The following SEMA5A variants were observed in gnomAD, a reference collection of about 807,000 sequenced individuals.
SEMA5A encodes semaphorin-5A.
In SEMA5A, 55 loss-of-function variants were observed where a neutral mutation model predicts 135.5. The ratio of observed to expected loss-of-function variants is 0.41; its 90% confidence interval spans 0.33 to 0.51. The LOEUF (loss-of-function observed/expected upper bound fraction) is 0.51. Ranked by LOEUF, SEMA5A falls within the 20% of genes least tolerant of loss-of-function variation. The probability of loss-of-function intolerance (pLI) is 0.37; values close to 1 mark genes in which losing one functional copy is unlikely to be tolerated. For missense variants in SEMA5A, 1,290 were observed against 1,419.9 expected (o/e 0.91, Z 1.47); for synonymous variants, 580 against 546.5 (o/e 1.06, Z -0.85).
At chr5:9,408,557 A>T (rs1020182186) in intron 2 of SEMA5A, among the ~76,000 whole-genome samples, 1 of 152,214 alleles carries the variant, frequency 6.6e-6, no homozygotes, top group Non-Finnish European at 1.5e-5. Context: ...ATTGGCATCT[A>T]TTGATTTAAC....
At position 9,037,653 on chromosome 5, in the gene SEMA5A, A is replaced by AAAAG. The variant is rs1314699929; in HGVS notation, c.*5240_*5243dup. On this transcript the variant is annotated 3_prime_UTR_variant, in exon 23 of 23. Transcript: ENST00000382496. ...CATCTTATTTACCTTTTCTATTACC[A>AAAAG]AAAGAGAAAAGAAGCAAGGATTAAA... The AAAAG allele has an allele frequency of 6.6e-6, 1 of 152,132 alleles. No homozygotes were observed. The highest frequency in any genetic ancestry group is 2.4e-5 in the African/African-American group (1 of 41,422). 9.4% of individuals were successfully genotyped at this position (152,132 alleles called of 1,614,324 possible).
At position 9,530,454 on chromosome 5, in the gene SEMA5A, C is replaced by T. The variant is rs549419928; in HGVS notation, c.-175+15130G>A. 5.0e-4 allele frequency among the ~76,000 whole-genome samples: 76 copies of T among 152,296 alleles called. 1 individual carries two copies. Among genetic ancestry groups the T allele is most frequent in the African/African-American group, 1.8e-3 (75 of 41,572 alleles). ...TAAACTCTTCCAGTCTCAACCAACACACTGACCAAATAAATAATAAAATGT... is the reference window on the plus strand; with the variant it reads ...TAAACTCTTCCAGTCTCAACCAACATACTGACCAAATAAATAATAAAATGT... On this transcript the variant is annotated intron_variant, in intron 1 of 22. Transcript: ENST00000382496.
chr5:9,233,813 T>G (rs1381612527), intron 6 of SEMA5A, among the ~76,000 whole-genome samples: 1 of 151,936 alleles, frequency 6.6e-6, no homozygotes, highest in Admixed American at 6.6e-5. Flanking sequence ...ACAGGCAGTG[T>G]CCTCCCTGCA....
At chr5:9,276,886 C>A (rs1012880025) in intron 5 of SEMA5A, among the ~76,000 whole-genome samples, 2 of 152,126 alleles carry the variant, frequency 1.3e-5, no homozygotes, top group Admixed American at 1.3e-4. Flanking sequence ...CAATACCATG[C>A]AGGACATAGG....
chr5:9,149,062 G>C (rs139260813), intron 12 of SEMA5A, among the ~76,000 whole-genome samples: 1 of 152,262 alleles, frequency 6.6e-6, no homozygotes, highest in African/African-American at 2.4e-5. Context: ...AAGGGATGTG[G>C]TGAGTAGACT....
chr5:9,226,781 A>G, intron 7 of SEMA5A, 88 bp downstream of exon 7: 1 of 994,402 alleles, frequency 1.0e-6, no homozygotes, highest in Admixed American at 1.9e-5. Flanking sequence ...ACCTTGGTGT[A>G]TAGAAATTCA....
chr5:9,373,639 G>C (rs1275318767), intron 3 of SEMA5A, among the ~76,000 whole-genome samples: 1 of 152,154 alleles, frequency 6.6e-6, no homozygotes, highest in East Asian at 1.9e-4. Flanking sequence ...AAGATCGCTG[G>C]GACCTGGGAA....
intron 12 of SEMA5A, among the ~76,000 whole-genome samples, chr5:9,146,949 C>T (rs1356146559): frequency 1.3e-5 from 2 of 152,100 alleles, no homozygotes; most frequent in Non-Finnish European, 2.9e-5. Flanking sequence ...TCAAAATGTC[C>T]TCCTGAATGT....
chr5:9,198,797 C>A (rs948913027), intron 9 of SEMA5A, among the ~76,000 whole-genome samples: 2 of 152,088 alleles, frequency 1.3e-5, no homozygotes, highest in Non-Finnish European at 2.9e-5. Context: ...TTAATAAGGA[C>A]AAGAAAATAA....
At chr5:9,387,763 T>C (rs1436392487) in intron 2 of SEMA5A, among the ~76,000 whole-genome samples, 1 of 152,256 alleles carries the variant, frequency 6.6e-6, no homozygotes, top group Non-Finnish European at 1.5e-5. Flanking sequence ...CAGATTCTTC[T>C]AATCTTTTTC....
chr5:9,290,097 GGTTAT>G (rs1751004852), intron 5 of SEMA5A, among the ~76,000 whole-genome samples: 1 of 152,110 alleles, frequency 6.6e-6, no homozygotes, highest in African/African-American at 2.4e-5. Context: ...GGTGGTGTTT[GGTTAT>G]ATGAATAAGT....
chr5:9,152,482 C>G (rs925851462), intron 12 of SEMA5A, among the ~76,000 whole-genome samples: 4 of 152,196 alleles, frequency 2.6e-5, no homozygotes, highest in Admixed American at 6.5e-5. Context: ...ATAAATACCA[C>G]TAGCTGTTAT....
At chr5:9,541,605 A>T (rs964478206) in intron 1 of SEMA5A, among the ~76,000 whole-genome samples, 37 of 152,242 alleles carry the variant, frequency 2.4e-4, no homozygotes, top group African/African-American at 7.5e-4. Flanking sequence ...CAAATGCAGC[A>T]ATACTATGTC....
At chr5:9,479,747 A>T (rs1449905400) in intron 1 of SEMA5A, among the ~76,000 whole-genome samples, 1 of 152,214 alleles carries the variant, frequency 6.6e-6, no homozygotes, top group Non-Finnish European at 1.5e-5. Context: ...ATCAAGAATC[A>T]TGTATACAAC....
intron 12 of SEMA5A, among the ~76,000 whole-genome samples, chr5:9,147,724 C>CAAAAAAAAAAAAAAAAAAAACAAA (rs59966819): frequency 9.8e-6 from 1 of 102,488 alleles, no homozygotes. Flanking sequence ...TAAAACAAAC[C>CAAAAAAAAAAAAAAAAAAAACAAA]AAAAAAAAAA....
At chr5:9,176,186 G>A (rs1744194178) in intron 11 of SEMA5A, among the ~76,000 whole-genome samples, 1 of 152,172 alleles carries the variant, frequency 6.6e-6, no homozygotes, top group African/African-American at 2.4e-5. Context: ...AGGGAAGACT[G>A]GGCCTCTCTG....
At chr5:9,517,683 G>A (rs1736603933) in intron 1 of SEMA5A, 1 of 152,154 alleles carries the variant, frequency 6.6e-6, no homozygotes, top group South Asian at 2.1e-4. Flanking sequence ...TCTGCAAAAT[G>A]ATCAGTTTTT....
chr5:9,522,043 C>A (rs1305165374), intron 1 of SEMA5A, among the ~76,000 whole-genome samples: 1 of 152,152 alleles, frequency 6.6e-6, no homozygotes, highest in Non-Finnish European at 1.5e-5. Context: ...AGACAGCCTC[C>A]CCGTCGCATA....
rs1745729755 is a variant in SEMA5A, at chr5:9,201,943, C to A, written c.932+12G>T. On this transcript the variant is annotated intron_variant, in intron 9 of 22. Transcript: ENST00000382496. ...AAGAGAGAGGGGAGAAAAATTATTT[C>A]AAGTTACATACACATTGGTGGTAAA... 2 of 1,605,742 alleles carry A rather than the reference C, an allele frequency of 1.2e-6. No homozygotes were observed.
Sources: allele counts gnomAD v4.1 joint callset (sites outside exome capture counted in the v4.1 genomes callset), GRCh38; gene constraint gnomAD v4.1.1; transcripts MANE v1.5; gene names NCBI Gene and HGNC (gene_info 2026-07-23, HGNC 2026-07-21).